Variants in PDE8A observed in about 807,000 individuals in gnomAD.
The protein encoded by PDE8A is high affinity cAMP-specific and IBMX-insensitive 3',5'-cyclic phosphodiesterase 8A.
In PDE8A, 59 loss-of-function variants were observed where a neutral mutation model predicts 105.0. That is an observed-to-expected ratio of 0.56 (90% confidence interval 0.46 to 0.70). PDE8A has a LOEUF of 0.70. Among genes scored for constraint, PDE8A ranks in the 30% least tolerant of loss-of-function variants. The probability of loss-of-function intolerance (pLI) is 0.00; values close to 1 mark genes in which losing one functional copy is unlikely to be tolerated. For synonymous variants in PDE8A, 355 were observed against 371.9 expected (o/e 0.95, Z 0.52); for missense variants, 1,014 against 1,045.9 (o/e 0.97, Z 0.42).
chr15:84,990,413 C>A (rs2079869091), intron 1 of PDE8A, among the ~76,000 whole-genome samples: 1 of 152,142 alleles, frequency 6.6e-6, no homozygotes, highest in Non-Finnish European at 1.5e-5. Context: ...CACCAGCAAC[C>A]ACTGTTCTGA....
chr15:85,100,093 C>A (rs751301005), intron 10 of PDE8A, 27 bp downstream of exon 10: 6 of 1,612,984 alleles, frequency 3.7e-6, no homozygotes, highest in African/African-American at 1.3e-5. Flanking sequence ...CCCCGGGGCC[C>A]CAGGAACACC....
chr15:85,064,898 G>A (rs986073043), intron 2 of PDE8A, among the ~76,000 whole-genome samples: 2 of 152,080 alleles, frequency 1.3e-5, no homozygotes, highest in Non-Finnish European at 2.9e-5. Flanking sequence ...CCTGAGCCCG[G>A]GAGGTCAAGG....
chr15:85,039,069 C>T (rs976287319), intron 1 of PDE8A, among the ~76,000 whole-genome samples: 3 of 150,946 alleles, frequency 2.0e-5, no homozygotes, highest in Non-Finnish European at 4.4e-5. Flanking sequence ...TGCAGTGAGC[C>T]GAGATTGTGC....
chr15:85,061,721 C>T (rs867592040), intron 1 of PDE8A, among the ~76,000 whole-genome samples: 13 of 152,122 alleles, frequency 8.5e-5, no homozygotes, highest in Admixed American at 7.9e-4. Context: ...CTGGGACTCC[C>T]GTGATGCATA....
At chr15:85,133,715 T>C (rs1481281039) in intron 20 of PDE8A, among the ~76,000 whole-genome samples, 1 of 152,162 alleles carries the variant, frequency 6.6e-6, no homozygotes, top group African/African-American at 2.4e-5. Context: ...TTTAAAGTCA[T>C]TAAGACATTA....
At chr15:85,056,503 C>T (rs996784215) in intron 1 of PDE8A, among the ~76,000 whole-genome samples, 19 of 152,028 alleles carry the variant, frequency 1.2e-4, no homozygotes, top group Non-Finnish European at 1.6e-4. Flanking sequence ...AGGCTTTGTT[C>T]GTTTCTTTTT....
chr15:84,981,334 C>G (rs964866628), upstream of PDE8A, among the ~76,000 whole-genome samples: 2 of 152,222 alleles, frequency 1.3e-5, no homozygotes, highest in African/African-American at 4.8e-5. Context: ...CTGGAGGTCA[C>G]CGCTGGGGGC....
At chr15:85,016,077 AGT>A (rs1221215418) in intron 1 of PDE8A, among the ~76,000 whole-genome samples, 1 of 152,222 alleles carries the variant, frequency 6.6e-6, no homozygotes, top group Non-Finnish European at 1.5e-5. Flanking sequence ...TGGAGGTTGC[AGT>A]GAGCTGAGGT....
At chr15:85,108,992 ACC>A in intron 11 of PDE8A, 59 bp from the exon 12 acceptor site, 2 of 1,186,644 alleles carry the variant, frequency 1.7e-6, no homozygotes, top group Non-Finnish European at 1.2e-6. Context: ...TAGATTGGTA[ACC>A]TTCCTTAATA....
At chr15:85,137,619 C>T (rs1344004899) in intron 21 of PDE8A, among the ~76,000 whole-genome samples, 178 bp from the exon 22 acceptor site, 2 of 152,308 alleles carry the variant, frequency 1.3e-5, no homozygotes, top group Admixed American at 6.5e-5. Context: ...GCATTGAGGA[C>T]AGGGTTTAAC....
At chr15:85,010,662 A>G (rs758942999) in intron 1 of PDE8A, among the ~76,000 whole-genome samples, 18 of 152,214 alleles carry the variant, frequency 1.2e-4, no homozygotes, top group Non-Finnish European at 2.2e-4. Context: ...GTATTTGTCA[A>G]ATGAATGAAC....
rs79465166 is a variant in PDE8A at position 85,099,020 on chromosome 15, A to C, written c.941+984A>C. On this transcript the variant is annotated intron_variant, in intron 9 of 21. Transcript: ENST00000394553. The stretch of plus-strand genomic sequence containing the variant: ...ATACAATGTTAAATGCAAAAAGTAA[A>C]ATGTAAAATGATAGCTAGTGTTTAA... 5.1e-3 allele frequency among the ~76,000 whole-genome samples: 775 copies of C among 152,336 alleles called. 5 individuals carry two copies. Among genetic ancestry groups the C allele is most frequent in the Middle Eastern group, 0.017 (5 of 294 alleles).
intron 5 of PDE8A, among the ~76,000 whole-genome samples, chr15:85,078,548 CAAAAAAAA>C (rs72174562): frequency 1.5e-4 from 14 of 94,344 alleles, no homozygotes; most frequent in African/African-American, 4.4e-4. Flanking sequence ...TACTCCATCT[CAAAAAAAA>C]AAAAAAAAAA....
intron 1 of PDE8A, among the ~76,000 whole-genome samples, chr15:85,055,556 A>G (rs2081046756): frequency 6.6e-6 from 1 of 152,152 alleles, no homozygotes; most frequent in South Asian, 2.1e-4. Flanking sequence ...TCCCTTTACC[A>G]TTATGTAATG....
chr15:85,122,299 A>G (rs1468678714), intron 18 of PDE8A, among the ~76,000 whole-genome samples: 4 of 152,244 alleles, frequency 2.6e-5, no homozygotes, highest in Admixed American at 2.0e-4. Flanking sequence ...TGCTTGGTAC[A>G]TACTAGGAAC....
chr15:85,069,497 C>T (rs947569271), intron 3 of PDE8A, among the ~76,000 whole-genome samples: 1 of 152,158 alleles, frequency 6.6e-6, no homozygotes, highest in African/African-American at 2.4e-5. Context: ...GTCCCCCCAC[C>T]CCAGACATCT....
At chr15:85,093,625 T>C (rs2081687167) in intron 8 of PDE8A, among the ~76,000 whole-genome samples, 1 of 152,206 alleles carries the variant, frequency 6.6e-6, no homozygotes, top group Non-Finnish European at 1.5e-5. Flanking sequence ...ATAAACATTT[T>C]CCATCTCCAC....
chr15:85,091,164 T>A lies in PDE8A; in HGVS notation c.835T>A (p.Cys279Ser), dbSNP rs1350664044. ...KADLLDTINS[C>S]IRIGKEWQGI... ...TGACTTGCTCGATACTATAAATTCATGCATCAGGATAGGCAAGGTAAGTAA... is the reference window on the plus strand; with the variant it reads ...TGACTTGCTCGATACTATAAATTCAAGCATCAGGATAGGCAAGGTAAGTAA... Residue 279 changes from cysteine (C) to serine (S), a missense_variant, in exon 8 of 22, where the codon TGC becomes AGC. By Grantham distance (112) the Cys-to-Ser change is moderately radical. Transcript: ENST00000394553. 1 of 1,610,724 alleles carries A rather than the reference T, an allele frequency of 6.2e-7. No homozygotes were observed. The highest frequency in any genetic ancestry group is 1.7e-5 in the Admixed American group (1 of 58,964).
At chr15:85,084,383 C>T (rs556954912) in intron 6 of PDE8A, among the ~76,000 whole-genome samples, 2 of 151,858 alleles carry the variant, frequency 1.3e-5, no homozygotes, top group Non-Finnish European at 2.9e-5. Flanking sequence ...GAATGATTAG[C>T]GGGCAGAGTG....
Sources: gnomAD v4.1 joint callset for allele counts (sites outside exome capture counted in the v4.1 genomes callset) on GRCh38, gnomAD v4.1.1 for gene constraint, MANE v1.5 for transcripts, NCBI Gene and HGNC (gene_info 2026-07-23, HGNC 2026-07-21) for gene names.